PDE3A: variants seen among roughly 807,000 people sequenced by gnomAD.
PDE3A encodes phosphodiesterase 3A.
A neutral mutation model predicts 98.3 loss-of-function variants in PDE3A; 43 were observed. The observed-to-expected ratio is 0.44, with a 90% CI of 0.34 to 0.56. The LOEUF (loss-of-function observed/expected upper bound fraction) is 0.56. Ranked by LOEUF, PDE3A falls within the 20% of genes least tolerant of loss-of-function variation. The pLI is 0.01. For synonymous variants in PDE3A, 663 were observed against 567.9 expected (o/e 1.17, Z -2.38); for missense variants, 1,427 against 1,440.7 (o/e 0.99, Z 0.15).
chr12:20,576,418 G>A (rs1443087924), intron 2 of PDE3A, among the ~76,000 whole-genome samples: 2 of 151,986 alleles, frequency 1.3e-5, no homozygotes, highest in South Asian at 4.2e-4. Flanking sequence ...TGTTAGATTG[G>A]CAGGAAATAG....
At chr12:20,634,820 A>C (rs1446995117) in intron 7 of PDE3A, 82 bp from the exon 8 acceptor site, 3 of 896,032 alleles carry the variant, frequency 3.3e-6, no homozygotes, top group African/African-American at 1.7e-5. Context: ...TATTTACCAT[A>C]TGCATCTTAG....
intron 7 of PDE3A, among the ~76,000 whole-genome samples, chr12:20,634,444 T>C (rs554565690): frequency 6.6e-6 from 1 of 152,228 alleles, no homozygotes; most frequent in African/African-American, 2.4e-5. Context: ...AGAAATAGGA[T>C]TGGATACATA....
intron 1 of PDE3A, among the ~76,000 whole-genome samples, chr12:20,427,064 G>A (rs1481896615): frequency 1.2e-4 from 18 of 152,144 alleles, no homozygotes; most frequent in Admixed American, 1.2e-3. Context: ...AAGGAACATT[G>A]GATGAAGAAG....
At chr12:20,495,580 T>A (rs931689439) in intron 1 of PDE3A, among the ~76,000 whole-genome samples, 7 of 152,206 alleles carry the variant, frequency 4.6e-5, no homozygotes, top group Non-Finnish European at 1.0e-4. Context: ...ATGTGCCAAT[T>A]TTTTTCTATG....
chr12:20,471,519 C>T (rs1304576500), intron 1 of PDE3A, among the ~76,000 whole-genome samples: 1 of 152,160 alleles, frequency 6.6e-6, no homozygotes, highest in Non-Finnish European at 1.5e-5. Context: ...CAATCATGCT[C>T]TCTCTTCCCC....
At chr12:20,509,020 C>G (rs1946169112) in intron 1 of PDE3A, among the ~76,000 whole-genome samples, 1 of 152,024 alleles carries the variant, frequency 6.6e-6, no homozygotes, top group Non-Finnish European at 1.5e-5. Flanking sequence ...ATTTTTCCCT[C>G]ACCAACATGT....
chr12:20,665,740 T>C (rs1056867441), intron 15 of PDE3A, among the ~76,000 whole-genome samples: 2 of 152,106 alleles, frequency 1.3e-5, no homozygotes, highest in African/African-American at 4.8e-5. Context: ...TTTATAGTCA[T>C]TTTCATTTTA....
intron 1 of PDE3A, among the ~76,000 whole-genome samples, chr12:20,485,995 T>C (rs1213787998): frequency 1.3e-5 from 2 of 152,226 alleles, no homozygotes; most frequent in African/African-American, 2.4e-5. Context: ...GTTAATATTT[T>C]AGTGTTTCTC....
At chr12:20,538,552 G>C (rs555055124) in intron 1 of PDE3A, among the ~76,000 whole-genome samples, 13 of 152,262 alleles carry the variant, frequency 8.5e-5, no homozygotes, top group African/African-American at 3.1e-4. Flanking sequence ...ATCTCTATGA[G>C]AACCAGGGTT....
chr12:20,485,449 A>T (rs1565564262), intron 1 of PDE3A, among the ~76,000 whole-genome samples: 1 of 151,528 alleles, frequency 6.6e-6, no homozygotes. Flanking sequence ...GTTTTTTTTT[A>T]GGGGGGACAC....
At chr12:20,462,997 C>T (rs1033856247) in intron 1 of PDE3A, among the ~76,000 whole-genome samples, 1 of 152,018 alleles carries the variant, frequency 6.6e-6, no homozygotes, top group African/African-American at 2.4e-5. Context: ...GTCTCAAACT[C>T]CTGGCCTCAA....
intron 1 of PDE3A, among the ~76,000 whole-genome samples, chr12:20,526,995 T>C (rs1006371088): frequency 6.6e-6 from 1 of 150,600 alleles, no homozygotes; most frequent in Non-Finnish European, 1.5e-5. Flanking sequence ...CTCGGCTCAC[T>C]GCAACCTCCG....
At chr12:20,506,335 A>G (rs1204313530) in intron 1 of PDE3A, among the ~76,000 whole-genome samples, 1 of 152,024 alleles carries the variant, frequency 6.6e-6, no homozygotes, top group South Asian at 2.1e-4. Context: ...AATAATATGC[A>G]CTATACACAC....
chr12:20,382,381 C>T (rs1943678272), intron 1 of PDE3A, among the ~76,000 whole-genome samples: 1 of 151,904 alleles, frequency 6.6e-6, no homozygotes, highest in Non-Finnish European at 1.5e-5. Context: ...AAAAACTATA[C>T]ACACGCACTA....
intron 2 of PDE3A, among the ~76,000 whole-genome samples, chr12:20,612,720 A>AT (rs370751702): frequency 4.1e-3 from 31 of 7,506 alleles, no homozygotes; most frequent in African/African-American, 0.012. Context: ...TATAAGTAAT[A>AT]AACTATATGT....
In PDE3A at chr12:20,369,476, G is replaced by A; in HGVS notation, c.192G>A (p.Ala64=). Residue 64 remains alanine (A), a synonymous_variant, in exon 1 of 16, where the codon GCG becomes GCA. Coordinates refer to ENST00000359062, the MANE Select transcript of PDE3A (RefSeq NM_000921.5). ...GGAGCTCTCGGAAACTTTCCTCCGC[G>A]CTGTGCGCGGGCTCCCTGTCCTTTC... ...PLRSSRKLSS[A]LCAGSLSFLL... The A allele has an allele frequency of 6.4e-7, 1 of 1,556,292 alleles. No homozygotes were observed.
intron 1 of PDE3A, among the ~76,000 whole-genome samples, chr12:20,528,280 C>T (rs904311825): frequency 1.3e-5 from 2 of 152,216 alleles, no homozygotes; most frequent in African/African-American, 4.8e-5. Context: ...TACTCCCTTT[C>T]TCAAACCCCA....
At chr12:20,649,187 T>TC (rs973284610) in intron 13 of PDE3A, among the ~76,000 whole-genome samples, 1 of 152,000 alleles carries the variant, frequency 6.6e-6, no homozygotes, top group African/African-American at 2.4e-5. Context: ...CGCCTCGGCC[T>TC]CCCAAAGTGC....
Position 20,395,847 on chromosome 12 carries a change from C to T in PDE3A, c.960+25603C>T, listed in dbSNP as rs139245021. 6.1e-3 allele frequency among the ~76,000 whole-genome samples: 925 copies of T among 151,522 alleles called. 7 individuals are homozygous for T. Among genetic ancestry groups the T allele is most frequent in the African/African-American group, 0.021 (860 of 41,402 alleles). On this transcript the variant is annotated intron_variant, in intron 1 of 15. Coordinates refer to ENST00000359062, the MANE Select transcript of PDE3A (RefSeq NM_000921.5). ...ATTAACAGAGGTTATCAATGAGGTT[C>T]GTTAAAAAGAAAAAATATTTTCCCT...
Sources: allele counts gnomAD v4.1 joint callset (sites outside exome capture counted in the v4.1 genomes callset), GRCh38; gene constraint gnomAD v4.1.1; transcripts MANE v1.5; gene names NCBI Gene and HGNC (gene_info 2026-07-23, HGNC 2026-07-21).